Variants in DCTN4 observed in about 807,000 individuals in gnomAD.
The protein encoded by DCTN4 is dynactin subunit 4, also known as dynactin 4 (p62).
In DCTN4, 23 loss-of-function variants were observed where a neutral mutation model predicts 62.7. The observed-to-expected ratio is 0.37, with a 90% CI of 0.26 to 0.52. The LOEUF (loss-of-function observed/expected upper bound fraction) is 0.52, where lower values mean the gene tolerates loss of function less well. Ranked by LOEUF, DCTN4 falls within the 20% of genes least tolerant of loss-of-function variation. The pLI is 0.92. For missense variants in DCTN4, 514 were observed against 580.4 expected, an observed-to-expected ratio of 0.89 and a Z score of 1.18; for synonymous variants, 199 against 202.1, an observed-to-expected ratio of 0.98 and a Z score of 0.13.
intron 5 of DCTN4, chr5:150,731,804 A>G: frequency 7.6e-7 from 1 of 1,307,678 alleles, no homozygotes. Context: ...TGTCTAAGAT[A>G]CACAACAGAC....
chr5:150,737,028 T>G (rs563966111), intron 4 of DCTN4, among the ~76,000 whole-genome samples: 1 of 152,302 alleles, frequency 6.6e-6, no homozygotes, highest in Non-Finnish European at 1.5e-5. Context: ...AGTGGGACAT[T>G]ATATAATGAT....
intron 4 of DCTN4, among the ~76,000 whole-genome samples, chr5:150,740,141 G>A (rs1260545283): frequency 2.6e-5 from 4 of 152,148 alleles, no homozygotes; most frequent in Admixed American, 1.3e-4. Flanking sequence ...ACAGCCCATA[G>A]AGTGGGAGAA....
rs751366864 is a variant in DCTN4 at position 150,758,832 on chromosome 5, A to C, written c.135+27T>G. The C allele has an allele frequency of 2.2e-4, 346 of 1,598,338 alleles. No individual in the cohort carries two copies. Among genetic ancestry groups the C allele is most frequent in the Non-Finnish European group, 1.1e-4 (126 of 1,168,404 alleles). ...GAACGCCGCGCCCCCCCCACCCCAC[A>C]TACTCGCTATAGGGCGACTCTGTTA... On this transcript the variant is annotated intron_variant, in intron 1 of 12. Coordinates refer to ENST00000447998, the MANE Select transcript of DCTN4 (RefSeq NM_016221.4).
At position 150,753,390 on chromosome 5, in the gene DCTN4, G is replaced by A. The variant is rs1182583914; in HGVS notation, c.385+89C>T. On this transcript the variant is annotated intron_variant, in intron 3 of 12. Coordinates refer to ENST00000447998, the MANE Select transcript of DCTN4 (RefSeq NM_016221.4). ...AAATATTCTGAATTTAGCTCCTATC[G>A]CCCCAACGGGTTACAGAAATAATAA... 9.2e-6 allele frequency: 11 copies of A among 1,194,186 alleles called. No homozygotes were observed. In the African/African-American group the frequency reaches 1.2e-4, roughly 13 times the overall value. 74.0% of individuals were successfully genotyped at this position (1,194,186 alleles called of 1,614,324 possible).
chr5:150,722,763 C>G (rs1759998631), intron 9 of DCTN4, 144 bp downstream of exon 9: 1 of 597,012 alleles, frequency 1.7e-6, no homozygotes, highest in East Asian at 3.0e-5. Context: ...AATTAAAAAC[C>G]TAAACAGGAA....
At chr5:150,737,659 C>G (rs183363112) in intron 4 of DCTN4, among the ~76,000 whole-genome samples, 31 of 152,062 alleles carry the variant, frequency 2.0e-4, no homozygotes, top group African/African-American at 7.0e-4. Context: ...ATACCTACAT[C>G]AAAAAGTCTA....
At position 150,731,403 on chromosome 5, in the gene DCTN4, T is replaced by C. The variant is rs746312269; in HGVS notation, c.611+13A>G. The C allele has an allele frequency of 2.9e-5, 47 of 1,611,584 alleles. No individual in the cohort carries two copies. In the Middle Eastern group the frequency reaches 4.9e-4, roughly 17 times the overall value. The stretch of plus-strand genomic sequence containing the variant: ...TGCTGTTCTCCTCAAAGTCATTTCA[T>C]GTCTAAACTTACGAAAGTCCGGCAA... On this transcript the variant is annotated intron_variant, in intron 6 of 12. Coordinates refer to ENST00000447998, the MANE Select transcript of DCTN4 (RefSeq NM_016221.4).
chr5:150,754,793 A>C (rs568191197), intron 2 of DCTN4, among the ~76,000 whole-genome samples: 40 of 152,236 alleles, frequency 2.6e-4, no homozygotes, highest in South Asian at 6.2e-4. Context: ...GCAAAAGCCT[A>C]TCTCTCCAAA....
intron 1 of DCTN4, chr5:150,758,054 T>C (rs1581610725): frequency 3.1e-6 from 3 of 975,568 alleles, no homozygotes; most frequent in East Asian, 2.2e-4. Flanking sequence ...CTATTACTAC[T>C]ATCAGCTTTT....
rs951023158 is a variant in DCTN4, at chr5:150,708,643, C to A, written c.*2506G>T. The A allele has an allele frequency of 6.5e-6, 1 of 152,826 alleles. No homozygotes were observed. Among genetic ancestry groups the A allele is most frequent in the African/African-American group, 2.4e-5 (1 of 41,460 alleles). The allele number at this position is 152,826 out of a possible 1,614,324, so 9.5% of individuals were successfully genotyped here. On this transcript the variant is annotated 3_prime_UTR_variant, in exon 13 of 13. Transcript: ENST00000447998. The stretch of plus-strand genomic sequence containing the variant: ...ACTTCATTTAAGGAATGGAAGGGAG[C>A]ATGCCCCACCAACTCTCTTAGCCAA...
chr5:150,753,547 G>T lies in DCTN4; in HGVS notation c.317C>A (p.Ala106Asp). Residue 106 changes from alanine to aspartate, a missense_variant, in exon 3 of 13, where the codon GCC becomes GAC. Ala to Asp is a moderately radical substitution (Grantham distance 126). Transcript: ENST00000447998. ...ACAAAATCCACATGCCAGGTAATAG[G>T]CTTTCTTCATGGTGGTCTTGGCTGG... is the stretch of plus-strand genomic sequence containing the variant. ...DDPAKTTMKK[A>D]YYLACGFCRW... 2.5e-6 allele frequency: 4 copies of T among 1,614,154 alleles called. No individual in the cohort carries two copies. Among genetic ancestry groups the T allele is most frequent in the Non-Finnish European group, 3.4e-6 (4 of 1,180,020 alleles).
At chr5:150,725,384 T>C (rs1760106551) in intron 8 of DCTN4, among the ~76,000 whole-genome samples, 3 of 151,728 alleles carry the variant, frequency 2.0e-5, no homozygotes, top group Admixed American at 6.6e-5. Flanking sequence ...TATAAATTTA[T>C]ATCAATTTAA....
At position 150,708,529 on chromosome 5, in the gene DCTN4, T is replaced by G. The variant is rs921060691; in HGVS notation, c.*2620A>C. The G allele has an allele frequency of 6.6e-6, 1 of 152,562 alleles. No homozygotes were observed. Among genetic ancestry groups the G allele is most frequent in the African/African-American group, 2.4e-5 (1 of 41,468 alleles). The allele number at this position is 152,562 out of a possible 1,614,324, so 9.5% of individuals were successfully genotyped here. Reference sequence around the variant, plus strand: ...TGGTAGAGGTCTAACAACATTTATATAATGGTTCTGTGAATATGTATATAA... The same window carrying G: ...TGGTAGAGGTCTAACAACATTTATAGAATGGTTCTGTGAATATGTATATAA... On this transcript the variant is annotated 3_prime_UTR_variant, in exon 13 of 13. Coordinates refer to ENST00000447998, the MANE Select transcript of DCTN4 (RefSeq NM_016221.4).
intron 4 of DCTN4, among the ~76,000 whole-genome samples, chr5:150,739,785 C>T (rs2113093641): frequency 6.6e-6 from 1 of 152,216 alleles, no homozygotes; most frequent in African/African-American, 2.4e-5. Flanking sequence ...ATACTTATAG[C>T]CAACTGATCT....
At chr5:150,758,823 C>T (rs772460362) in intron 1 of DCTN4, 36 bp downstream of exon 1, 3 of 1,606,548 alleles carry the variant, frequency 1.9e-6, no homozygotes, top group Non-Finnish European at 2.6e-6. Context: ...CGCGCCCCCC[C>T]CACCCCACAT....
rs13358282 is a variant in DCTN4 at position 150,717,644 on chromosome 5, G to C, written c.1071+632C>G. 2.4e-3 allele frequency among the ~76,000 whole-genome samples: 373 copies of C among 152,256 alleles called. 2 individuals are homozygous for C. Among genetic ancestry groups the C allele is most frequent in the African/African-American group, 8.5e-3 (353 of 41,536 alleles). On this transcript the variant is annotated intron_variant, in intron 11 of 12. Coordinates refer to ENST00000447998, the MANE Select transcript of DCTN4 (RefSeq NM_016221.4). ...GATTTTAAACGTATCATTTCTAAAA[G>C]GAAATGATATTTCACAAGTGTTGAA...
intron 2 of DCTN4, among the ~76,000 whole-genome samples, chr5:150,756,153 T>C (rs956090190): frequency 5.3e-5 from 8 of 151,756 alleles, no homozygotes; most frequent in Admixed American, 1.3e-4. Flanking sequence ...GCAATTCATC[T>C]GCCTCAGCCT....
intron 12 of DCTN4, among the ~76,000 whole-genome samples, chr5:150,713,294 T>C (rs1441827664): frequency 2.6e-5 from 4 of 152,080 alleles, no homozygotes; most frequent in Non-Finnish European, 5.9e-5. Context: ...TAGCTAGACC[T>C]GCTAAAAAAA....
intron 8 of DCTN4, among the ~76,000 whole-genome samples, chr5:150,727,733 G>A (rs1187329653): frequency 2.3e-5 from 3 of 128,640 alleles, no homozygotes; most frequent in African/African-American, 9.2e-5. Flanking sequence ...CCGAGATCGC[G>A]CCACTGCACT....
Sources: gnomAD v4.1 joint callset for allele counts (sites outside exome capture counted in the v4.1 genomes callset) on GRCh38, gnomAD v4.1.1 for gene constraint, MANE v1.5 for transcripts, NCBI Gene and HGNC (gene_info 2026-07-23, HGNC 2026-07-21) for gene names.